The following LRRK1 variants were observed in gnomAD, a reference collection of about 807,000 sequenced individuals.
LRRK1 encodes leucine-rich repeat serine/threonine-protein kinase 1.
Under a neutral mutation model 209.1 loss-of-function variants are expected in LRRK1, and 113 were observed. The observed-to-expected ratio is 0.54, with a 90% CI of 0.46 to 0.63. The LOEUF is 0.63. LRRK1 is among the 30% of genes least tolerant of loss of function. The probability of loss-of-function intolerance (pLI) is 0.00; values close to 1 mark genes in which losing one functional copy is unlikely to be tolerated. For synonymous variants in LRRK1, 1,144 were observed against 1,099.7 expected, an observed-to-expected ratio of 1.04 and a Z score of -0.80; for missense variants, 2,284 against 2,632.2, an observed-to-expected ratio of 0.87 and a Z score of 2.89.
intron 2 of LRRK1, among the ~76,000 whole-genome samples, chr15:100,971,581 A>G (rs937673576): frequency 2.6e-5 from 4 of 152,128 alleles, no homozygotes; most frequent in Non-Finnish European, 5.9e-5. Context: ...ATTTGTACAC[A>G]TTTGTGGGGT....
At chr15:100,956,730 TG>T (rs1319813290) in intron 2 of LRRK1, among the ~76,000 whole-genome samples, 1 of 152,148 alleles carries the variant, frequency 6.6e-6, no homozygotes, top group African/African-American at 2.4e-5. Flanking sequence ...CCCAAAGTGC[TG>T]GGATTGCAGG....
chr15:100,975,405 G>A (rs542582848), intron 3 of LRRK1, among the ~76,000 whole-genome samples: 5 of 152,338 alleles, frequency 3.3e-5, no homozygotes, highest in African/African-American at 1.2e-4. Context: ...GCTGTTAAAG[G>A]CAGTGGCATC....
At chr15:100,973,232 C>T (rs2031048075) in intron 2 of LRRK1, among the ~76,000 whole-genome samples, 1 of 152,224 alleles carries the variant, frequency 6.6e-6, no homozygotes, top group Non-Finnish European at 1.5e-5. Flanking sequence ...GAGCAGCCCA[C>T]GCTCTGGTGA....
At chr15:101,021,516 A>T (rs1567238335) in intron 13 of LRRK1, among the ~76,000 whole-genome samples, 1 of 152,234 alleles carries the variant, frequency 6.6e-6, no homozygotes, top group East Asian at 1.9e-4. Flanking sequence ...AGAGTGTAAA[A>T]TGTTATATTA....
rs2036987280 is a variant in LRRK1 at position 101,076,348 on chromosome 15, T to A, written c.*7500T>A. On this transcript the variant is annotated 3_prime_UTR_variant, in exon 34 of 34. Coordinates refer to ENST00000388948, the MANE Select transcript of LRRK1 (RefSeq NM_024652.6). ...GGCTCCTTCAGCTGTACTCACTCTT[T>A]ATTGAGTCTCCCACAATTACCATTT... 6.6e-6 allele frequency: 1 copy of A among 152,164 alleles called. No individual in the cohort carries two copies. The highest frequency in any genetic ancestry group is 1.5e-5 in the Non-Finnish European group (1 of 68,044). 9.4% of individuals were successfully genotyped at this position (152,164 alleles called of 1,614,324 possible). A position where few individuals can be genotyped will look rare whatever the true frequency, so the allele number is the denominator to read the frequency against.
chr15:100,924,693 G>A lies in LRRK1; in HGVS notation c.61G>A (p.Ala21Thr). The change falls in exon 2 of 34, where the codon GCT becomes ACT. Residue 21 changes from alanine (A) to threonine (T), a missense_variant. Ala to Thr is a moderately conservative substitution (Grantham distance 58). This residue lies in a region of LRRK1 where 174 missense variants were observed against 133.5 expected (regional missense o/e 1.30). Coordinates refer to ENST00000388948, the MANE Select transcript of LRRK1 (RefSeq NM_024652.6). The stretch of plus-strand genomic sequence containing the variant: ...CTGGTGTGTGGGGCCGGAGGAGTCA[G>A]CTGTGTGTCCAGAACGTGCCATGGA... Reference protein sequence around the residue: ...MYWCVGPEESAVCPERAMETL... With the variant: ...MYWCVGPEESTVCPERAMETL... The A allele has an allele frequency of 6.2e-7, 1 of 1,614,196 alleles. No individual in the cohort carries two copies. The highest frequency in any genetic ancestry group is 8.5e-7 in the Non-Finnish European group (1 of 1,180,028).
At chr15:100,982,929 C>A (rs1329101893) in intron 3 of LRRK1, among the ~76,000 whole-genome samples, 4 of 152,220 alleles carry the variant, frequency 2.6e-5, no homozygotes, top group Non-Finnish European at 5.9e-5. Flanking sequence ...CACCTATAAT[C>A]ACAGGTATTC....
chr15:100,941,462 C>CTATG (rs1293984855), intron 2 of LRRK1, among the ~76,000 whole-genome samples: 1 of 16,424 alleles, frequency 6.1e-5, no homozygotes, highest in Non-Finnish European at 1.9e-4. Flanking sequence ...GTGTCTATGT[C>CTATG]TCTGTGTGTG....
intron 20 of LRRK1, among the ~76,000 whole-genome samples, chr15:101,037,843 A>G (rs2034556994): frequency 6.6e-6 from 1 of 152,244 alleles, no homozygotes; most frequent in Admixed American, 6.5e-5. Flanking sequence ...GTAGGTTACC[A>G]TTTGATCCAG....
rs192474737 is a variant in LRRK1 at position 101,043,219 on chromosome 15, T to C, written c.2964-2762T>C. The stretch of plus-strand genomic sequence containing the variant: ...ACTTCTGGGGAGCAGGCCTGGATCC[T>C]GCACAGTGAGGCCAGAGACCCGGCC... On this transcript the variant is annotated intron_variant, in intron 20 of 33. Coordinates refer to ENST00000388948, the MANE Select transcript of LRRK1 (RefSeq NM_024652.6). Among the ~76,000 whole-genome samples, 54 of 152,336 alleles carry C rather than the reference T, an allele frequency of 3.5e-4. No homozygotes were observed. In the East Asian group the frequency reaches 9.4e-3, roughly 27 times the overall value.
intron 20 of LRRK1, 119 bp downstream of exon 20, chr15:101,029,351 C>A: frequency 9.4e-7 from 1 of 1,061,854 alleles, no homozygotes; most frequent in Non-Finnish European, 1.3e-6. Flanking sequence ...CCACTGCTGC[C>A]CCCTACGGAC....
intron 2 of LRRK1, among the ~76,000 whole-genome samples, chr15:100,946,217 G>C (rs2042537159): frequency 6.6e-6 from 1 of 151,976 alleles, no homozygotes; most frequent in Non-Finnish European, 1.5e-5. Flanking sequence ...ATACAAACAG[G>C]ATTTCTTTTT....
intron 2 of LRRK1, among the ~76,000 whole-genome samples, chr15:100,942,927 T>C (rs1290680546): frequency 6.6e-6 from 1 of 152,158 alleles, no homozygotes; most frequent in Non-Finnish European, 1.5e-5. Context: ...CTCCCAGGGT[T>C]CTCCATCCGC....
intron 33 of LRRK1, chr15:101,067,391 A>G: frequency 2.3e-6 from 1 of 433,172 alleles, no homozygotes; most frequent in South Asian, 1.7e-5. Flanking sequence ...CCACACGGTA[A>G]ATCTCCCCTA....
intron 20 of LRRK1, among the ~76,000 whole-genome samples, chr15:101,043,422 T>C (rs1379546625): frequency 1.7e-5 from 2 of 120,652 alleles, no homozygotes; most frequent in Non-Finnish European, 3.8e-5. Flanking sequence ...AGCGGTGTCC[T>C]TAACTTTGGT....
rs745649117 is a variant in LRRK1 at position 101,065,484 on chromosome 15, G to T, written c.5047G>T (p.Asp1683Tyr). The T allele has an allele frequency of 6.2e-7, 1 of 1,614,240 alleles. No homozygotes were observed. The highest frequency in any genetic ancestry group is 8.5e-7 in the Non-Finnish European group (1 of 1,180,048). ...CAACAGGTCCAAGTTCAGCATCGCG[G>T]ATGAAGACGCACGGCAGAACCCCTA... ...TANRSKFSIADEDARQNPYPV... is the reference protein window; with the variant it reads ...TANRSKFSIAYEDARQNPYPV... The change falls in exon 32 of 34, where the codon GAT (aspartate) becomes TAT (tyrosine). Residue 1683 changes from aspartate (D) to tyrosine (Y), a missense_variant. This residue lies in a region of LRRK1 where 643 missense variants were observed against 695.9 expected (regional missense o/e 0.92). Transcript: ENST00000388948.
At chr15:100,985,698 T>C (rs2031829597) in intron 4 of LRRK1, among the ~76,000 whole-genome samples, 1 of 152,248 alleles carries the variant, frequency 6.6e-6, no homozygotes, top group Non-Finnish European at 1.5e-5. Flanking sequence ...GTCATGGTTT[T>C]CAACTGCTCC....
In LRRK1 at chr15:101,048,631, G is replaced by T; in HGVS notation, c.3273G>T (p.Leu1091=). ...CCATCTATTGGCAGGAAGGGCTCCT[G>T]GTCACTTTTGATGGGGGCTACCTCA... ...NQTIYWQEGL[L]VTFDGGYLSV... Residue 1091 remains leucine (L), a synonymous_variant, in exon 22 of 34, where the codon CTG becomes CTT. Coordinates refer to ENST00000388948, the MANE Select transcript of LRRK1 (RefSeq NM_024652.6). 6.5e-7 allele frequency: 1 copy of T among 1,538,956 alleles called. No homozygotes were observed. The highest frequency in any genetic ancestry group is 8.7e-7 in the Non-Finnish European group (1 of 1,150,896).
rs550245468 is a variant in LRRK1 at position 101,027,442 on chromosome 15, C to G, written c.2526+61C>G. ...CCTGCTTCCCATTGTTGGGGGTCCT[C>G]ACTTCCCCCTCTCTCCTGTGAAGCC... is the stretch of plus-strand genomic sequence containing the variant. On this transcript the variant is annotated intron_variant, in intron 18 of 33. Coordinates refer to ENST00000388948, the MANE Select transcript of LRRK1 (RefSeq NM_024652.6). This position sits in a 1 kb window ranked among gnomAD's most constrained non-coding sequence, Gnocchi z 5.1. The G allele has an allele frequency of 4.8e-5, 76 of 1,583,738 alleles. No individual in the cohort carries two copies. The East Asian group carries it at 1.4e-3, about 29-fold the overall frequency.
Sources: gnomAD v4.1 joint callset for allele counts (sites outside exome capture counted in the v4.1 genomes callset) on GRCh38, gnomAD v4.1.1 for gene constraint, gnomAD v4.1.1 regional missense constraint, Gnocchi (gnomAD v3.1) non-coding constraint, MANE v1.5 for transcripts, NCBI Gene and HGNC (gene_info 2026-07-23, HGNC 2026-07-21) for gene names.